MMD2: variants seen among roughly 807,000 people sequenced by gnomAD.
MMD2 encodes monocyte to macrophage differentiation factor 2.
In MMD2, 30 loss-of-function variants were observed where a neutral mutation model predicts 33.5. That is an observed-to-expected ratio of 0.90 (90% CI 0.67 to 1.22). MMD2 has a LOEUF of 1.22. Ranked by LOEUF, MMD2 falls within the 50% of genes most tolerant of loss-of-function variation. The pLI, the probability that MMD2 is intolerant of heterozygous loss-of-function variation, is 0.00. For synonymous variants in MMD2, 129 were observed against 123.0 expected, an observed-to-expected ratio of 1.05 and a Z score of -0.32; for missense variants, 364 against 325.4, an observed-to-expected ratio of 1.12 and a Z score of -0.91.
chr7:4,924,336 C>G (rs1254095101), intron 2 of MMD2, among the ~76,000 whole-genome samples: 2 of 152,270 alleles, frequency 1.3e-5, no homozygotes, highest in East Asian at 3.8e-4. Flanking sequence ...TCAGGCCAAA[C>G]ACACAATAGC....
At chr7:4,907,626 C>T in intron 6 of MMD2, 27 bp from the exon 7 acceptor site, 2 of 1,610,492 alleles carry the variant, frequency 1.2e-6, no homozygotes, top group Non-Finnish European at 1.7e-6. Flanking sequence ...GGGTGGGGCA[C>T]AGGTCAGAGG....
Position 4,907,082 on chromosome 7 carries a change from C to T in MMD2, c.*314G>A. ...AGGACCTTAGGAAACACAGATTGGC[C>T]CGTCATTCCCCAATTTTCCAGGACC... On this transcript the variant is annotated 3_prime_UTR_variant, in exon 7 of 7. Coordinates refer to ENST00000401401, the MANE Select transcript of MMD2 (RefSeq NM_198403.4). The T allele has an allele frequency of 5.7e-6, 2 of 350,750 alleles. No homozygotes were observed. Among genetic ancestry groups the T allele is most frequent in the Non-Finnish European group, 1.1e-5 (2 of 188,626 alleles). 21.7% of individuals were successfully genotyped at this position (350,750 alleles called of 1,614,324 possible).
Position 4,917,280 on chromosome 7 carries a change from C to G in MMD2, c.291-1201G>C, listed in dbSNP as rs934528226. Among the ~76,000 whole-genome samples, 12 of 152,104 alleles carry G rather than the reference C, an allele frequency of 7.9e-5. No homozygotes were observed. The East Asian group carries it at 1.5e-3, about 20-fold the overall frequency. ...TCTCAGCTTCCTTCTCTGTAAAACA[C>G]GGAGGATGCCAGCAACCTGACACGG... On this transcript the variant is annotated intron_variant, in intron 3 of 6. Coordinates refer to ENST00000401401, the MANE Select transcript of MMD2 (RefSeq NM_198403.4).
chr7:4,908,536 T>C (rs571363396), intron 6 of MMD2, among the ~76,000 whole-genome samples: 5 of 152,278 alleles, frequency 3.3e-5, no homozygotes, highest in East Asian at 3.9e-4. Context: ...CCCATGTTCA[T>C]AGCAGTATAA....
chr7:4,925,300 C>G (rs1785394531), intron 2 of MMD2, 151 bp downstream of exon 2: 1 of 504,646 alleles, frequency 2.0e-6, no homozygotes, highest in Non-Finnish European at 3.4e-6. Flanking sequence ...CAGTGGCCTT[C>G]CCTCGAGACG....
chr7:4,902,795 A>G (rs1442868453), downstream of MMD2, among the ~76,000 whole-genome samples: 1 of 151,932 alleles, frequency 6.6e-6, no homozygotes, highest in Admixed American at 6.6e-5. Flanking sequence ...TTTGACCTCT[A>G]CCTGCCCCCT....
intron 1 of MMD2, among the ~76,000 whole-genome samples, chr7:4,939,980 A>C (rs900629094): frequency 1.3e-5 from 2 of 152,120 alleles, no homozygotes; most frequent in South Asian, 4.1e-4. Flanking sequence ...GACCTCAAGC[A>C]ATCCATCTGC....
chr7:4,908,774 G>A (rs991826999), intron 6 of MMD2, among the ~76,000 whole-genome samples: 2 of 151,820 alleles, frequency 1.3e-5, no homozygotes, highest in Admixed American at 1.3e-4. Flanking sequence ...GCACGCGCCT[G>A]TAATCCCAGC....
At chr7:4,915,286 A>G (rs1046895739) in intron 4 of MMD2, among the ~76,000 whole-genome samples, 3 of 151,760 alleles carry the variant, frequency 2.0e-5, no homozygotes, top group African/African-American at 7.2e-5. Flanking sequence ...AAAAAAATTA[A>G]AAATTTAAAA....
intron 1 of MMD2, among the ~76,000 whole-genome samples, chr7:4,954,864 T>G (rs915903945): frequency 1.2e-4 from 18 of 152,364 alleles, no homozygotes; most frequent in African/African-American, 4.1e-4. Context: ...ATTTCATGTT[T>G]ACATCTTTCA....
At chr7:4,945,237 T>TTCTTCC (rs1451038341) in intron 1 of MMD2, among the ~76,000 whole-genome samples, 1 of 147,118 alleles carries the variant, frequency 6.8e-6, no homozygotes, top group Non-Finnish European at 1.5e-5. Flanking sequence ...CTTCTTCTTC[T>TTCTTCC]TCCTCTCTCT....
At chr7:4,937,191 G>T (rs1283883234) in intron 1 of MMD2, among the ~76,000 whole-genome samples, 1 of 151,394 alleles carries the variant, frequency 6.6e-6, no homozygotes, top group Non-Finnish European at 1.5e-5. Flanking sequence ...GAGGTCAGGG[G>T]TTCGAGACCA....
intron 1 of MMD2, among the ~76,000 whole-genome samples, chr7:4,936,789 C>T (rs1024166870): frequency 6.6e-6 from 1 of 151,984 alleles, no homozygotes; most frequent in Non-Finnish European, 1.5e-5. Context: ...GGCTGGAGTG[C>T]AATGGCGCGA....
chr7:4,904,025 C>A (rs1459280272), downstream of MMD2, among the ~76,000 whole-genome samples: 1 of 152,150 alleles, frequency 6.6e-6, no homozygotes, highest in East Asian at 1.9e-4. Flanking sequence ...CTCGGCCTCC[C>A]GAGTTCAAGC....
chr7:4,937,353 C>T (rs1583388196), intron 1 of MMD2, among the ~76,000 whole-genome samples: 1 of 150,562 alleles, frequency 6.6e-6, no homozygotes, highest in Admixed American at 6.6e-5. Context: ...GCCGGGATTG[C>T]ACTACTGTGC....
At chr7:4,936,745 AT>A (rs2115132753) in intron 1 of MMD2, among the ~76,000 whole-genome samples, 1 of 151,728 alleles carries the variant, frequency 6.6e-6, no homozygotes, top group East Asian at 1.9e-4. Flanking sequence ...ATTTTATTTT[AT>A]TTTTTTGAGA....
intron 1 of MMD2, among the ~76,000 whole-genome samples, chr7:4,945,611 G>A (rs955020997): frequency 1.3e-5 from 2 of 149,894 alleles, no homozygotes; most frequent in Admixed American, 6.7e-5. Flanking sequence ...ATCTCACTCT[G>A]CCGCCCAGGC....
Position 4,940,455 on chromosome 7 carries a change from G to C in MMD2, c.48-14923C>G, listed in dbSNP as rs1007892155. On this transcript the variant is annotated intron_variant, in intron 1 of 6. Transcript: ENST00000401401. The surrounding 1 kb of genome is among the most constrained non-coding windows in gnomAD (Gnocchi z 5.0). ...CCTGAGTCCCTTGGACAGAGGACTA[G>C]AGAGATTTGCCCGGGCTCCTACACA... Among the ~76,000 whole-genome samples, 1 of 152,210 alleles carries C rather than the reference G, an allele frequency of 6.6e-6. No homozygotes were observed. Among genetic ancestry groups the C allele is most frequent in the East Asian group, 1.9e-4 (1 of 5,194 alleles).
rs1020282352 is a variant in MMD2 at position 4,906,773 on chromosome 7, C to G, written c.*623G>C. On this transcript the variant is annotated 3_prime_UTR_variant, in exon 7 of 7. Transcript: ENST00000401401. ...CTCTGGCCATTATCCCATTTCAGAG[C>G]ACACCAGACAGGAAGGGCAAAGAGG... 5 of 380,106 alleles carry G rather than the reference C, an allele frequency of 1.3e-5. No individual in the cohort carries two copies. The highest frequency in any genetic ancestry group is 1.0e-4 in the African/African-American group (5 of 48,308). The allele number at this position is 380,106 out of a possible 1,614,324, so 23.5% of individuals were successfully genotyped here.
Sources: allele counts gnomAD v4.1 joint callset (sites outside exome capture counted in the v4.1 genomes callset), GRCh38; gene constraint gnomAD v4.1.1; non-coding constraint Gnocchi (gnomAD v3.1); transcripts MANE v1.5; gene names NCBI Gene and HGNC (gene_info 2026-07-23, HGNC 2026-07-21).